Variants in XYLB observed in about 807,000 individuals in gnomAD.
XYLB encodes the protein xylulose kinase.
In XYLB, 62 loss-of-function variants were observed where a neutral mutation model predicts 78.7. The ratio of observed to expected loss-of-function variants is 0.79; its 90% confidence interval spans 0.64 to 0.97. The LOEUF (loss-of-function observed/expected upper bound fraction) is 0.97. Ranked by LOEUF, XYLB falls within the 50% of genes least tolerant of loss-of-function variation. XYLB has a pLI of 0.00. For synonymous variants in XYLB, 245 were observed against 247.4 expected, an observed-to-expected ratio of 0.99 and a Z score of 0.09; for missense variants, 687 against 676.8, an observed-to-expected ratio of 1.02 and a Z score of -0.17.
chr3:38,366,904 T>C (rs762277696), intron 7 of XYLB, 31 bp downstream of exon 7: 1 of 1,462,508 alleles, frequency 6.8e-7, no homozygotes, highest in Non-Finnish European at 9.6e-7. Flanking sequence ...TGATTGAAAG[T>C]CACAGTTGAA....
chr3:38,358,558 G>A (rs1705802512), intron 2 of XYLB, among the ~76,000 whole-genome samples: 1 of 151,948 alleles, frequency 6.6e-6, no homozygotes, highest in Non-Finnish European at 1.5e-5. Context: ...TGGCCAGGTT[G>A]GTCTTGAACT....
intron 15 of XYLB, among the ~76,000 whole-genome samples, chr3:38,387,342 T>G (rs899290774): frequency 6.6e-6 from 1 of 151,920 alleles, no homozygotes; most frequent in Admixed American, 6.6e-5. Flanking sequence ...CCTGCTTCAG[T>G]TGGACAAGTT....
intron 18 of XYLB, among the ~76,000 whole-genome samples, chr3:38,406,901 G>A (rs1253800272): frequency 3.3e-5 from 5 of 152,144 alleles, no homozygotes; most frequent in Admixed American, 6.5e-5. Context: ...CCAAATCTAC[G>A]TCTGATTGGT....
the XYLB span, among the ~76,000 whole-genome samples, chr3:38,437,286 C>G: frequency 6.6e-6 from 1 of 151,990 alleles, no homozygotes; most frequent in African/African-American, 2.4e-5. Flanking sequence ...AGGGCATATA[C>G]AACAAATCCA....
chr3:38,353,171 C>G (rs1705460460), intron 2 of XYLB, among the ~76,000 whole-genome samples: 2 of 152,100 alleles, frequency 1.3e-5, no homozygotes, highest in African/African-American at 2.4e-5. Context: ...ATGTTTTTAT[C>G]TAGTTCTTGT....
intron 15 of XYLB, among the ~76,000 whole-genome samples, chr3:38,384,781 C>G (rs1707308743): frequency 6.6e-6 from 1 of 152,066 alleles, no homozygotes; most frequent in African/African-American, 2.4e-5. Context: ...TTTTGATTTA[C>G]AAAAATGGCA....
downstream of XYLB, among the ~76,000 whole-genome samples, chr3:38,417,157 C>G (rs1328167154): frequency 2.0e-5 from 3 of 152,148 alleles, no homozygotes; most frequent in Non-Finnish European, 4.4e-5. Flanking sequence ...TACTCTAGGG[C>G]AAGCGTGATG....
chr3:38,441,640 A>T, the XYLB span, among the ~76,000 whole-genome samples: 1 of 151,770 alleles, frequency 6.6e-6, no homozygotes, highest in Non-Finnish European at 1.5e-5. Flanking sequence ...TGGTTGTCTG[A>T]TAGCCATAAA....
chr3:38,450,461 A>G, the XYLB span, among the ~76,000 whole-genome samples: 1 of 152,162 alleles, frequency 6.6e-6, no homozygotes, highest in East Asian at 1.9e-4. Context: ...TTGATTGTTG[A>G]AGGGTGGGGA....
the XYLB span, among the ~76,000 whole-genome samples, chr3:38,440,933 T>C: frequency 2.6e-5 from 4 of 151,934 alleles, no homozygotes; most frequent in Non-Finnish European, 5.9e-5. Context: ...TCCTTCTCTC[T>C]TTGACTTTGT....
chr3:38,436,131 CA>C, the XYLB span, among the ~76,000 whole-genome samples: 1 of 151,966 alleles, frequency 6.6e-6, no homozygotes, highest in East Asian at 1.9e-4. Flanking sequence ...ATAAACAAAA[CA>C]AAAAGTTTGC....
chr3:38,376,025 G>T (rs1706835425), intron 12 of XYLB, 92 bp from the exon 13 acceptor site: 1 of 858,722 alleles, frequency 1.2e-6, no homozygotes, highest in East Asian at 2.4e-5. Context: ...AGCCTGACCT[G>T]CAGTTCCTCT....
chr3:38,347,686 AAAG>A, intron 1 of XYLB, among the ~76,000 whole-genome samples: 1 of 152,084 alleles, frequency 6.6e-6, no homozygotes, highest in Non-Finnish European at 1.5e-5. Context: ...AAAAAAAAAA[AAAG>A]AAAAAAGTGA....
chr3:38,360,493 G>A (rs544400758), intron 3 of XYLB, 85 bp downstream of exon 3: 57 of 1,284,086 alleles, frequency 4.4e-5, no homozygotes, highest in Admixed American at 8.8e-5. Flanking sequence ...TCCAAAGGTG[G>A]CAGCCAATGA....
chr3:38,445,907 G>A, the XYLB span, among the ~76,000 whole-genome samples: 3 of 152,172 alleles, frequency 2.0e-5, no homozygotes, highest in Non-Finnish European at 4.4e-5. Context: ...ACTGCTTGAC[G>A]ATAGTCCCTT....
In XYLB at chr3:38,365,191, C is replaced by T; in HGVS notation, c.292-8C>T. On this transcript the variant is annotated splice_region_variant and splice_polypyrimidine_tract_variant and intron_variant, in intron 4 of 18. Coordinates refer to ENST00000207870, the MANE Select transcript of XYLB (RefSeq NM_005108.4). ...GTCATGTGACCATGTGCTTGGGTTTCCCAACAGCAACACGGAAGTATATAC... is the reference window on the plus strand; with the variant it reads ...GTCATGTGACCATGTGCTTGGGTTTTCCAACAGCAACACGGAAGTATATAC... The T allele has an allele frequency of 6.2e-7, 1 of 1,614,092 alleles. No individual in the cohort carries two copies. Among genetic ancestry groups the T allele is most frequent in the African/African-American group, 1.3e-5 (1 of 75,050 alleles).
At chr3:38,401,501 A>G (rs1372782666) in intron 18 of XYLB, among the ~76,000 whole-genome samples, 1 of 152,208 alleles carries the variant, frequency 6.6e-6, no homozygotes, top group Admixed American at 6.5e-5. Context: ...AACTGCAGAA[A>G]GGAAAGGGAG....
chr3:38,401,996 A>G (rs1471183789), intron 18 of XYLB, among the ~76,000 whole-genome samples: 1 of 152,102 alleles, frequency 6.6e-6, no homozygotes, highest in East Asian at 1.9e-4. Context: ...CTCCTGGATC[A>G]GAGACAAAGG....
At chr3:38,401,175 G>C in intron 18 of XYLB, 190 bp downstream of exon 18, 1 of 602,712 alleles carries the variant, frequency 1.7e-6, no homozygotes, top group Non-Finnish European at 2.9e-6. Context: ...AGATACTGCT[G>C]ATTTTACAGC....
Sources: allele counts gnomAD v4.1 joint callset (sites outside exome capture counted in the v4.1 genomes callset), GRCh38; gene constraint gnomAD v4.1.1; transcripts MANE v1.5; gene names NCBI Gene and HGNC (gene_info 2026-07-23, HGNC 2026-07-21).